Variants in CNIH3 observed in about 807,000 individuals in gnomAD.
The protein encoded by CNIH3 is cornichon family AMPA receptor auxiliary protein 3, also known as protein cornichon homolog 3.
Under a neutral mutation model 24.1 loss-of-function variants are expected in CNIH3, and 14 were observed. The observed-to-expected ratio is 0.58, with a 90% CI of 0.38 to 0.91. The LOEUF (loss-of-function observed/expected upper bound fraction) is 0.91. Ranked by LOEUF, CNIH3 falls within the 40% of genes least tolerant of loss-of-function variation. The probability of loss-of-function intolerance (pLI) is 0.00; values close to 1 mark genes in which losing one functional copy is unlikely to be tolerated. For synonymous variants in CNIH3, 68 were observed against 73.8 expected (o/e 0.92, Z 0.40); for missense variants, 178 against 196.8 (o/e 0.90, Z 0.57).
chr1:224,669,755 C>T (rs1230916659), intron 1 of CNIH3, among the ~76,000 whole-genome samples: 1 of 152,198 alleles, frequency 6.6e-6, no homozygotes, highest in Non-Finnish European at 1.5e-5. Flanking sequence ...ATTTAATCCT[C>T]AAAGTATCAA....
intron 1 of CNIH3, among the ~76,000 whole-genome samples, chr1:224,657,863 G>A (rs893715334): frequency 6.6e-6 from 1 of 152,084 alleles, no homozygotes; most frequent in African/African-American, 2.4e-5. Context: ...GACAATCAGG[G>A]TTGAAGACAC....
Position 224,616,940 on chromosome 1 carries a change from G to A in CNIH3, c.-235G>A, listed in dbSNP as rs1196367086. On this transcript the variant is annotated 5_prime_UTR_variant, in exon 1 of 6. Transcript: ENST00000272133. ...CGGACGGTTCCCTCCAGCGACTCTC[G>A]ACACACGTTTTCCTGTCTTCGCCGG... 1 of 1,366,994 alleles carries A rather than the reference G, an allele frequency of 7.3e-7. No individual in the cohort carries two copies. The highest frequency in any genetic ancestry group is 9.4e-7 in the Non-Finnish European group (1 of 1,065,672). 84.7% of individuals were successfully genotyped at this position (1,366,994 alleles called of 1,614,324 possible).
chr1:224,515,273 T>A (rs544672541), upstream of CNIH3, among the ~76,000 whole-genome samples: 1 of 152,364 alleles, frequency 6.6e-6, no homozygotes, highest in South Asian at 2.1e-4. Context: ...CTTATTTATG[T>A]GTACTTTTGT....
chr1:224,623,678 C>T (rs1158456376), intron 1 of CNIH3, among the ~76,000 whole-genome samples: 3 of 152,142 alleles, frequency 2.0e-5, no homozygotes, highest in African/African-American at 7.2e-5. Flanking sequence ...CTGCCCCTCC[C>T]CAGAATTCTG....
chr1:224,556,059 A>G (rs1680125606), intron 3 of CNIH3, among the ~76,000 whole-genome samples: 1 of 152,064 alleles, frequency 6.6e-6, no homozygotes, highest in Non-Finnish European at 1.5e-5. Flanking sequence ...TGGTATATTG[A>G]TGTTGTCTCA....
chr1:224,608,219 A>C (rs1278514792), intron 3 of CNIH3, among the ~76,000 whole-genome samples: 2 of 152,242 alleles, frequency 1.3e-5, no homozygotes, highest in African/African-American at 2.4e-5. Flanking sequence ...GAGCCAGTCA[A>C]GGGCACAGTT....
chr1:224,460,198 T>G (rs1675850998), intron 1 of CNIH3, among the ~76,000 whole-genome samples: 1 of 152,200 alleles, frequency 6.6e-6, no homozygotes, highest in Non-Finnish European at 1.5e-5. Flanking sequence ...GGTTTATCTT[T>G]CTTAAGCTTG....
intron 1 of CNIH3, among the ~76,000 whole-genome samples, chr1:224,450,481 A>G (rs925299852): frequency 1.3e-5 from 2 of 152,194 alleles, no homozygotes; most frequent in African/African-American, 4.8e-5. Flanking sequence ...AGATCAGGGT[A>G]AAGAGCATTC....
At chr1:224,497,621 T>C (rs1377894648) in intron 1 of CNIH3, among the ~76,000 whole-genome samples, 1 of 152,266 alleles carries the variant, frequency 6.6e-6, no homozygotes, top group Non-Finnish European at 1.5e-5. Flanking sequence ...TTTGTTGTTA[T>C]AGATGCATTT....
In CNIH3 at chr1:224,480,153, G is replaced by A. The variant is rs559241302; in HGVS notation, n.204-35588G>A. On this transcript the variant is annotated intron_variant and non_coding_transcript_variant, in intron 1 of 5. Transcript: ENST00000471578. ...CGCACCCGTAGGCTCAACACCATGT[G>A]GAAGCTGCCAAGGCTTAGGGCTTCC... Among the ~76,000 whole-genome samples the A allele has an allele frequency of 3.3e-5, 5 of 152,304 alleles. No individual in the cohort carries two copies. In the East Asian group the frequency reaches 9.6e-4, roughly 29 times the overall value.
intron 1 of CNIH3, among the ~76,000 whole-genome samples, chr1:224,501,851 G>A (rs1677685433): frequency 6.7e-6 from 1 of 150,308 alleles, no homozygotes; most frequent in African/African-American, 2.5e-5. Flanking sequence ...AAAGTGCTAG[G>A]ATTACAGGCG....
intron 2 of CNIH3, among the ~76,000 whole-genome samples, chr1:224,524,256 G>GCTAGCAT (rs2124919915): frequency 6.6e-6 from 1 of 152,284 alleles, no homozygotes; most frequent in Admixed American, 6.5e-5. Flanking sequence ...CAGATCGGCT[G>GCTAGCAT]GTCAAGGACC....
chr1:224,536,079 G>A (rs1330368968), intron 2 of CNIH3, among the ~76,000 whole-genome samples: 1 of 152,110 alleles, frequency 6.6e-6, no homozygotes, highest in East Asian at 1.9e-4. Flanking sequence ...CAAAATTGGG[G>A]TCCCCAGCAG....
chr1:224,638,804 G>T (rs908742966), intron 1 of CNIH3, among the ~76,000 whole-genome samples: 1 of 152,188 alleles, frequency 6.6e-6, no homozygotes, highest in Admixed American at 6.5e-5. Flanking sequence ...CACATTAAAT[G>T]AAGTTCATCA....
chr1:224,634,236 C>T (rs1303761830), intron 1 of CNIH3, among the ~76,000 whole-genome samples: 3 of 152,186 alleles, frequency 2.0e-5, no homozygotes, highest in African/African-American at 7.2e-5. Flanking sequence ...CTTTGCAGGA[C>T]TTTAGCAGAG....
At position 224,739,719 on chromosome 1, in the gene CNIH3, C is replaced by A; in HGVS notation, c.*363C>A. On this transcript the variant is annotated 3_prime_UTR_variant, in exon 6 of 6. Transcript: ENST00000272133. Reference sequence around the variant, plus strand: ...AGCACCTTGCAAGTTCAAATGAGTTCCTGGGAGCGGAGGCTGGAAGGCCAC... The same window carrying A: ...AGCACCTTGCAAGTTCAAATGAGTTACTGGGAGCGGAGGCTGGAAGGCCAC... The A allele has an allele frequency of 3.6e-6, 1 of 280,932 alleles. No homozygotes were observed. 17.4% of individuals were successfully genotyped at this position (280,932 alleles called of 1,614,324 possible).
intron 2 of CNIH3, among the ~76,000 whole-genome samples, chr1:224,544,892 A>T (rs745542197): frequency 3.3e-5 from 5 of 152,236 alleles, no homozygotes; most frequent in Non-Finnish European, 5.9e-5. Context: ...TCCCATGAGC[A>T]TAATCAGCTG....
chr1:224,582,483 G>A (rs1318464393), intron 4 of CNIH3, among the ~76,000 whole-genome samples: 1 of 152,130 alleles, frequency 6.6e-6, no homozygotes, highest in Non-Finnish European at 1.5e-5. Context: ...AATGGTGATG[G>A]ATTTTGAAGT....
upstream of CNIH3, among the ~76,000 whole-genome samples, chr1:224,514,466 T>C (rs567650189): frequency 1.9e-3 from 295 of 152,312 alleles, no homozygotes; most frequent in African/African-American, 6.8e-3. Flanking sequence ...CTTACATAAG[T>C]TGATTTTAAA....
Sources: allele counts gnomAD v4.1 joint callset (sites outside exome capture counted in the v4.1 genomes callset), GRCh38; gene constraint gnomAD v4.1.1; transcripts MANE v1.5; gene names NCBI Gene and HGNC (gene_info 2026-07-23, HGNC 2026-07-21).